Variants in UNC5D observed in about 807,000 individuals in gnomAD.
UNC5D encodes the protein netrin receptor UNC5D.
UNC5D carries 39 observed loss-of-function variants against 105.4 expected under a neutral mutation model. The observed-to-expected ratio is 0.37, with a 90% CI of 0.29 to 0.48. UNC5D has a LOEUF of 0.48. Among genes scored for constraint, UNC5D ranks in the 20% least tolerant of loss-of-function variants. The pLI, the probability that UNC5D is intolerant of heterozygous loss-of-function variation, is 0.98. For synonymous variants in UNC5D, 452 were observed against 450.4 expected (o/e 1.00, Z -0.04); for missense variants, 991 against 1,202.4 (o/e 0.82, Z 2.60).
At chr8:35,350,964 T>C (rs1326435846) in intron 1 of UNC5D, among the ~76,000 whole-genome samples, 1 of 152,052 alleles carries the variant, frequency 6.6e-6, no homozygotes, top group Non-Finnish European at 1.5e-5. Flanking sequence ...ATTCCGAAAA[T>C]ATCTAAAAAG....
intron 1 of UNC5D, among the ~76,000 whole-genome samples, chr8:35,293,072 A>G (rs1404840098): frequency 6.6e-6 from 1 of 152,180 alleles, no homozygotes; most frequent in Non-Finnish European, 1.5e-5. Context: ...TTTACTATTC[A>G]TTAAACAGAA....
chr8:35,450,113 T>C (rs567174342), intron 1 of UNC5D, among the ~76,000 whole-genome samples: 11 of 152,308 alleles, frequency 7.2e-5, no homozygotes, highest in African/African-American at 2.2e-4. Context: ...ATCATCCCTC[T>C]GCTGAGTTTT....
intron 11 of UNC5D, among the ~76,000 whole-genome samples, chr8:35,734,203 T>G (rs1205167458): frequency 2.0e-5 from 3 of 152,062 alleles, no homozygotes; most frequent in African/African-American, 7.2e-5. Context: ...AGAATTAGTC[T>G]GCTGGTGAGA....
intron 1 of UNC5D, among the ~76,000 whole-genome samples, chr8:35,495,655 CT>C (rs894301638): frequency 1.2e-4 from 19 of 152,002 alleles, no homozygotes; most frequent in African/African-American, 4.6e-4. Flanking sequence ...TCTGGTGCCC[CT>C]GTCTGTGCCT....
intron 3 of UNC5D, among the ~76,000 whole-genome samples, chr8:35,581,850 C>T (rs908828766): frequency 6.6e-6 from 1 of 152,258 alleles, no homozygotes; most frequent in East Asian, 1.9e-4. Flanking sequence ...CACAGGGGCT[C>T]CTGACAAGAC....
chr8:35,713,649 G>A (rs937797836), intron 8 of UNC5D, among the ~76,000 whole-genome samples: 1 of 152,130 alleles, frequency 6.6e-6, no homozygotes, highest in South Asian at 2.1e-4. Flanking sequence ...TTACTAAAAG[G>A]AGCTGTAAAC....
intron 1 of UNC5D, among the ~76,000 whole-genome samples, chr8:35,327,614 A>G (rs1258857656): frequency 6.6e-6 from 1 of 152,160 alleles, no homozygotes; most frequent in African/African-American, 2.4e-5. Flanking sequence ...CCTTTCAACA[A>G]GATACTTATC....
chr8:35,693,813 T>C (rs1259813702), intron 7 of UNC5D, among the ~76,000 whole-genome samples: 1 of 152,152 alleles, frequency 6.6e-6, no homozygotes, highest in Non-Finnish European at 1.5e-5. Flanking sequence ...AAGTCCTATG[T>C]AGCACTTCAG....
chr8:35,465,260 C>T (rs1809220317), intron 1 of UNC5D, among the ~76,000 whole-genome samples: 1 of 152,192 alleles, frequency 6.6e-6, no homozygotes, highest in Non-Finnish European at 1.5e-5. Flanking sequence ...GTTGTGGTGG[C>T]ATGCACCTGT....
rs1365663010 is a variant in UNC5D, at chr8:35,499,351, T to A, written c.104-49941T>A. On this transcript the variant is annotated intron_variant, in intron 1 of 16. Transcript: ENST00000404895. Reference sequence around the variant, plus strand: ...CCATCCTTTGTGGAAGATTGAGTATTAGCCTTGCTATCATTTAGTTCTCCC... The same window carrying A: ...CCATCCTTTGTGGAAGATTGAGTATAAGCCTTGCTATCATTTAGTTCTCCC... Among the ~76,000 whole-genome samples, 5 of 152,254 alleles carry A rather than the reference T, an allele frequency of 3.3e-5. No homozygotes were observed. In the East Asian group the frequency reaches 9.6e-4, roughly 29 times the overall value.
chr8:35,357,706 TCCAAC>T, intron 1 of UNC5D, among the ~76,000 whole-genome samples: 1 of 152,284 alleles, frequency 6.6e-6, no homozygotes, highest in East Asian at 1.9e-4. Flanking sequence ...GCCTGGTAAA[TCCAAC>T]CCTCCAGCCC....
intron 1 of UNC5D, among the ~76,000 whole-genome samples, chr8:35,438,720 C>G (rs1807195461): frequency 6.6e-6 from 1 of 151,838 alleles, no homozygotes; most frequent in Non-Finnish European, 1.5e-5. Flanking sequence ...AAGCAAGGCT[C>G]CAAGTATAAG....
chr8:35,568,827 G>C (rs766777799), intron 3 of UNC5D, among the ~76,000 whole-genome samples: 4 of 152,208 alleles, frequency 2.6e-5, no homozygotes, highest in Non-Finnish European at 5.9e-5. Flanking sequence ...CTGAGAGAAT[G>C]AAATTCATGC....
intron 16 of UNC5D, among the ~76,000 whole-genome samples, chr8:35,784,797 A>G (rs960236007): frequency 1.3e-5 from 2 of 152,018 alleles, no homozygotes; most frequent in African/African-American, 4.8e-5. Flanking sequence ...TTACATCTGC[A>G]TATTATATAA....
chr8:35,600,137 A>G (rs181751466), intron 4 of UNC5D, among the ~76,000 whole-genome samples: 1 of 152,026 alleles, frequency 6.6e-6, no homozygotes, highest in Non-Finnish European at 1.5e-5. Context: ...TGAACTCATC[A>G]TTTTTTATGG....
At chr8:35,425,651 G>A (rs1452529365) in intron 1 of UNC5D, among the ~76,000 whole-genome samples, 2 of 152,070 alleles carry the variant, frequency 1.3e-5, no homozygotes, top group Non-Finnish European at 2.9e-5. Context: ...TCCTCCCTCA[G>A]AACCAATTGT....
intron 1 of UNC5D, among the ~76,000 whole-genome samples, chr8:35,519,021 T>A (rs1403781505): frequency 6.6e-6 from 1 of 152,184 alleles, no homozygotes; most frequent in Admixed American, 6.5e-5. Context: ...TCTCCAGAAG[T>A]AATGAAGAAC....
intron 4 of UNC5D, among the ~76,000 whole-genome samples, chr8:35,604,477 T>A (rs1820133754): frequency 6.6e-6 from 1 of 151,956 alleles, no homozygotes; most frequent in South Asian, 2.1e-4. Context: ...GCCCTTAACA[T>A]TTTTTCCTTC....
chr8:35,736,194 T>C (rs772507337), intron 11 of UNC5D, among the ~76,000 whole-genome samples: 115 of 152,082 alleles, frequency 7.6e-4, no homozygotes, highest in Non-Finnish European at 1.5e-3. Context: ...CTTGTCTGTA[T>C]AGAAAATAAA....
Sources: gnomAD v4.1 joint callset for allele counts (sites outside exome capture counted in the v4.1 genomes callset) on GRCh38, gnomAD v4.1.1 for gene constraint, MANE v1.5 for transcripts, NCBI Gene and HGNC (gene_info 2026-07-23, HGNC 2026-07-21) for gene names.